CRTC3: variants seen among roughly 807,000 people sequenced by gnomAD.
CRTC3 encodes CREB regulated transcription coactivator 3.
In CRTC3, 26 loss-of-function variants were observed where a neutral mutation model predicts 74.5. The observed-to-expected ratio is 0.35, with a 90% CI of 0.26 to 0.48. The LOEUF is 0.48. Among genes scored for constraint, CRTC3 ranks in the 20% least tolerant of loss-of-function variants. CRTC3 has a pLI of 0.99. For synonymous variants in CRTC3, 377 were observed against 325.8 expected (o/e 1.16, Z -1.69); for missense variants, 760 against 787.3 (o/e 0.97, Z 0.41).
At chr15:90,545,601 G>A (rs1291137814) in intron 2 of CRTC3, among the ~76,000 whole-genome samples, 2 of 151,116 alleles carry the variant, frequency 1.3e-5, no homozygotes, top group African/African-American at 2.4e-5. Flanking sequence ...TTTTGAGATG[G>A]AGTCTCACTC....
intron 14 of CRTC3, among the ~76,000 whole-genome samples, chr15:90,641,451 A>G (rs561934437): frequency 6.6e-6 from 1 of 152,206 alleles, no homozygotes; most frequent in Non-Finnish European, 1.5e-5. Flanking sequence ...TAATCCCAGC[A>G]CTTTGGGAGG....
rs1484753986 is a variant in CRTC3, at chr15:90,643,776, C to G, written c.*1636C>G. 2 of 232,954 alleles carry G rather than the reference C, an allele frequency of 8.6e-6. No homozygotes were observed. The highest frequency in any genetic ancestry group is 1.7e-5 in the Non-Finnish European group (2 of 118,118). The allele number at this position is 232,954 out of a possible 1,614,324, so 14.4% of individuals were successfully genotyped here. On this transcript the variant is annotated 3_prime_UTR_variant, in exon 15 of 15. Coordinates refer to ENST00000268184, the MANE Select transcript of CRTC3 (RefSeq NM_022769.5). ...GGACAGGGTGGAGAGGAGGAGAACC[C>G]TGAAGGAGAGACGGAAGATGCCAGG...
intron 6 of CRTC3, among the ~76,000 whole-genome samples, chr15:90,609,831 C>A (rs35795957): frequency 0.037 from 5,675 of 152,262 alleles, 164 homozygotes; most frequent in Middle Eastern, 0.13. Flanking sequence ...AGAAAGAAAT[C>A]CTGGATCAGG....
chr15:90,605,420 G>A (rs1968190799), intron 5 of CRTC3, among the ~76,000 whole-genome samples: 1 of 152,084 alleles, frequency 6.6e-6, no homozygotes, highest in African/African-American at 2.4e-5. Context: ...GTATAGTATT[G>A]TACCTTGAAA....
At chr15:90,543,493 A>G (rs1465908319) in intron 2 of CRTC3, among the ~76,000 whole-genome samples, 1 of 152,090 alleles carries the variant, frequency 6.6e-6, no homozygotes, top group East Asian at 1.9e-4. Flanking sequence ...TCAATCTATT[A>G]TAATCTATTA....
intron 1 of CRTC3, among the ~76,000 whole-genome samples, chr15:90,537,314 AG>A (rs750334835): frequency 1.3e-5 from 2 of 152,238 alleles, no homozygotes; most frequent in African/African-American, 2.4e-5. Flanking sequence ...TATCTTGTGC[AG>A]GAGGCGTCAG....
chr15:90,529,931 G>T lies in CRTC3; in HGVS notation c.-141G>T, dbSNP rs1386052187. The T allele has an allele frequency of 2.7e-5, 14 of 525,872 alleles. No homozygotes were observed. The highest frequency in any genetic ancestry group is 3.5e-5 in the Non-Finnish European group (14 of 402,326). The allele number at this position is 525,872 out of a possible 1,614,324, so 32.6% of individuals were successfully genotyped here. A position where few individuals can be genotyped will look rare whatever the true frequency, so the allele number is the denominator to read the frequency against. On this transcript the variant is annotated 5_prime_UTR_variant, in exon 1 of 15. Coordinates refer to ENST00000268184, the MANE Select transcript of CRTC3 (RefSeq NM_022769.5). ...GCTCCCGGCCGCTCGCTGGCTCCGGGGCCGCGGCGGCTCCTCTGCCGGGTC... is the reference window on the plus strand; with the variant it reads ...GCTCCCGGCCGCTCGCTGGCTCCGGTGCCGCGGCGGCTCCTCTGCCGGGTC...
intron 11 of CRTC3, among the ~76,000 whole-genome samples, chr15:90,629,790 C>G (rs538450136): frequency 6.6e-6 from 1 of 152,178 alleles, no homozygotes; most frequent in East Asian, 1.9e-4. Context: ...GTGGCACAAT[C>G]GCGGCTCACT....
chr15:90,576,796 A>G lies in CRTC3; in HGVS notation c.232-16840A>G, dbSNP rs539825298. Reference sequence around the variant, plus strand: ...CCCATTTGGATTTAGTAGCGTGCAAAGTCTGTGGTTATCTTGGGAAATTTC... The same window carrying G: ...CCCATTTGGATTTAGTAGCGTGCAAGGTCTGTGGTTATCTTGGGAAATTTC... On this transcript the variant is annotated intron_variant, in intron 2 of 14. Coordinates refer to ENST00000268184, the MANE Select transcript of CRTC3 (RefSeq NM_022769.5). 5.3e-5 allele frequency among the ~76,000 whole-genome samples: 8 copies of G among 152,218 alleles called. No individual in the cohort carries two copies. In the East Asian group the frequency reaches 1.5e-3, roughly 29 times the overall value.
intron 2 of CRTC3, among the ~76,000 whole-genome samples, chr15:90,546,069 G>A (rs1966843837): frequency 6.6e-6 from 1 of 152,072 alleles, no homozygotes; most frequent in African/African-American, 2.4e-5. Flanking sequence ...TATCAATTGT[G>A]TTATTTTATG....
At position 90,629,555 on chromosome 15, in the gene CRTC3, A is replaced by G. The variant is rs1274196253; in HGVS notation, c.1266+23A>G. The G allele has an allele frequency of 4.3e-6, 7 of 1,610,276 alleles. No individual in the cohort carries two copies. In the South Asian group the frequency reaches 5.5e-5, roughly 13 times the overall value. The stretch of plus-strand genomic sequence containing the variant: ...CAGGTAAACACACACAGACAGACCA[A>G]CCACTACAGTGAAACAGACTGCAAG... On this transcript the variant is annotated intron_variant, in intron 11 of 14. Coordinates refer to ENST00000268184, the MANE Select transcript of CRTC3 (RefSeq NM_022769.5).
intron 8 of CRTC3, chr15:90,618,284 C>T (rs1968548693): frequency 5.6e-6 from 1 of 179,324 alleles, no homozygotes; most frequent in Admixed American, 5.7e-5. Flanking sequence ...GGTTGTAAGT[C>T]ATAGGCAGAT....
intron 2 of CRTC3, among the ~76,000 whole-genome samples, chr15:90,545,319 C>G (rs906956702): frequency 2.6e-5 from 4 of 152,102 alleles, no homozygotes; most frequent in African/African-American, 9.7e-5. Flanking sequence ...GTGCAAATAT[C>G]TCTTCAAGGC....
intron 2 of CRTC3, among the ~76,000 whole-genome samples, chr15:90,552,320 C>A (rs1470926608): frequency 1.3e-5 from 2 of 152,212 alleles, no homozygotes; most frequent in South Asian, 2.1e-4. Flanking sequence ...CACAAATGAC[C>A]TTGGAATCTC....
intron 2 of CRTC3, among the ~76,000 whole-genome samples, chr15:90,549,249 C>A (rs143798041): frequency 0.015 from 2,285 of 151,738 alleles, 30 homozygotes; most frequent in Middle Eastern, 0.027. Flanking sequence ...TTTCACTGCC[C>A]CCTTATTGTT....
At chr15:90,542,871 G>A (rs1320693282) in intron 2 of CRTC3, among the ~76,000 whole-genome samples, 1 of 152,210 alleles carries the variant, frequency 6.6e-6, no homozygotes, top group Non-Finnish European at 1.5e-5. Context: ...TCTGCCTAAT[G>A]TATCTTTGTG....
In CRTC3 at chr15:90,614,465, G is replaced by C; in HGVS notation, c.590G>C (p.Gly197Ala). The C allele has an allele frequency of 6.2e-7, 1 of 1,610,104 alleles. No individual in the cohort carries two copies. Among genetic ancestry groups the C allele is most frequent in the Non-Finnish European group, 8.5e-7 (1 of 1,176,658 alleles). Reference protein sequence around the residue: ...WPAPYMGFCDGENNGHGEVAS... With the variant: ...WPAPYMGFCDAENNGHGEVAS... ...CCTTTCCCGCTAGGTTTCTGTGATG[G>C]TGAGAATAATGGACATGGGGAAGGT... The change falls in exon 7 of 15, where the codon GGT (glycine) becomes GCT (alanine). Residue 197 changes from glycine (G) to alanine (A), a missense_variant. By Grantham distance (60) the Gly-to-Ala change is moderately conservative. Transcript: ENST00000268184.
At chr15:90,586,432 T>C (rs1479635457) in intron 2 of CRTC3, among the ~76,000 whole-genome samples, 2 of 138,854 alleles carry the variant, frequency 1.4e-5, no homozygotes, top group Non-Finnish European at 3.0e-5. Flanking sequence ...AGTGGCACAA[T>C]CTCAGCTCAC....
intron 2 of CRTC3, among the ~76,000 whole-genome samples, chr15:90,542,669 C>T (rs1966822629): frequency 6.6e-6 from 1 of 152,200 alleles, no homozygotes; most frequent in Non-Finnish European, 1.5e-5. Flanking sequence ...CAAATGTCCC[C>T]CTGCTGTCCT....
Sources: gnomAD v4.1 joint callset for allele counts (sites outside exome capture counted in the v4.1 genomes callset) on GRCh38, gnomAD v4.1.1 for gene constraint, MANE v1.5 for transcripts, NCBI Gene and HGNC (gene_info 2026-07-23, HGNC 2026-07-21) for gene names.